Variants in RGL1 observed in about 807,000 individuals in gnomAD.
RGL1 encodes ral guanine nucleotide dissociation stimulator like 1, also known as ral guanine nucleotide dissociation stimulator-like 1.
RGL1 carries 24 observed loss-of-function variants against 95.2 expected under a neutral mutation model. That is an observed-to-expected ratio of 0.25 (90% CI 0.18 to 0.35). The LOEUF is 0.35. Among genes scored for constraint, RGL1 ranks in the 10% least tolerant of loss-of-function variants. RGL1 has a pLI of 1.00. For synonymous variants in RGL1, 329 were observed against 344.9 expected (o/e 0.95, Z 0.51); for missense variants, 715 against 936.3 (o/e 0.76, Z 3.08).
intron 9 of RGL1, among the ~76,000 whole-genome samples, chr1:183,895,377 C>A (rs541823914): frequency 2.0e-5 from 3 of 151,982 alleles, no homozygotes; most frequent in East Asian, 3.9e-4. Context: ...TTAAGCAAGC[C>A]ATTTGCACTA....
chr1:183,733,093 GC>G (rs1656726010), intron 1 of RGL1, among the ~76,000 whole-genome samples: 1 of 152,098 alleles, frequency 6.6e-6, no homozygotes, highest in Non-Finnish European at 1.5e-5. Flanking sequence ...CCCTCACAGA[GC>G]TCTGAGTAAG....
At chr1:183,798,835 T>C (rs867549848) in intron 2 of RGL1, among the ~76,000 whole-genome samples, 4 of 151,904 alleles carry the variant, frequency 2.6e-5, no homozygotes, top group Middle Eastern at 6.8e-3. Context: ...TCACTTAGTA[T>C]GTATTTCAGG....
chr1:183,751,679 G>A (rs954392888), intron 2 of RGL1, among the ~76,000 whole-genome samples: 3 of 152,200 alleles, frequency 2.0e-5, no homozygotes, highest in African/African-American at 4.8e-5. Context: ...CCCTGGTGGT[G>A]TAGGCACCTA....
exon 1 of RGL1, chr1:183,636,115 G>A (rs1201733475): frequency 1.5e-5 from 6 of 399,324 alleles, no homozygotes; most frequent in African/African-American, 1.2e-4. Flanking sequence ...TCTCAGATTG[G>A]CGGGGATGGG....
Position 183,926,156 on chromosome 1 carries a change from T to G in RGL1, c.2171T>G (p.Val724Gly), listed in dbSNP as rs1669602341. ...GTCTTTTATGCCATGAACAGCCAAG[T>G]GAACTTTGACTTCATTTTGCGCAAA... is the stretch of plus-strand genomic sequence containing the variant. ...ANVFYAMNSQ[V>G]NFDFILRKKN... Residue 724 changes from valine to glycine, a missense_variant, in exon 18 of 18, where the codon GTG becomes GGG. Physicochemically the swap from Val to Gly is moderately radical, Grantham distance 109 (BLOSUM62 -3). This residue lies in a region of RGL1 where 330 missense variants were observed against 429.6 expected (regional missense o/e 0.77). Coordinates refer to ENST00000360851, the MANE Select transcript of RGL1 (RefSeq NM_001297671.3). 1 of 1,614,150 alleles carries G rather than the reference T, an allele frequency of 6.2e-7. No individual in the cohort carries two copies.
intron 1 of RGL1, among the ~76,000 whole-genome samples, chr1:183,738,974 T>A (rs1293280661): frequency 2.0e-5 from 3 of 152,200 alleles, no homozygotes; most frequent in African/African-American, 7.2e-5. Context: ...GACAGGTTGG[T>A]AGCAGGACTG....
intron 12 of RGL1, among the ~76,000 whole-genome samples, chr1:183,903,323 G>C (rs191917590): frequency 4.9e-4 from 74 of 152,224 alleles, no homozygotes; most frequent in Admixed American, 1.5e-3. Context: ...AGCATAGGAA[G>C]GTGTGCTCAA....
chr1:183,644,197 T>C (rs1650132867), intron 1 of RGL1, among the ~76,000 whole-genome samples: 1 of 152,182 alleles, frequency 6.6e-6, no homozygotes, highest in South Asian at 2.1e-4. Context: ...GCATAATGAT[T>C]AAGAACATGG....
At chr1:183,785,477 A>G (rs1572409090) in intron 2 of RGL1, among the ~76,000 whole-genome samples, 1 of 152,134 alleles carries the variant, frequency 6.6e-6, no homozygotes, top group African/African-American at 2.4e-5. Context: ...TGCCTGCTCT[A>G]CTATAGCATT....
At chr1:183,898,430 A>G (rs1206601165) in intron 10 of RGL1, among the ~76,000 whole-genome samples, 1 of 152,206 alleles carries the variant, frequency 6.6e-6, no homozygotes, top group Non-Finnish European at 1.5e-5. Context: ...TATTTAAAGG[A>G]GCATCATGCC....
rs1661347658 is a variant in RGL1 at position 183,806,503 on chromosome 1, GA to G, written c.138+19del. On this transcript the variant is annotated intron_variant, in intron 2 of 17. Coordinates refer to ENST00000360851, the MANE Select transcript of RGL1 (RefSeq NM_001297671.3). Reference sequence around the variant, plus strand: ...GGCTAGGGGTGAGTAAAGCTGGCGAGATGGTGAACTTTGGAATTTCAGTGTC... The same window carrying G: ...GGCTAGGGGTGAGTAAAGCTGGCGAGTGGTGAACTTTGGAATTTCAGTGTC... 1 of 1,553,656 alleles carries G rather than the reference GA, an allele frequency of 6.4e-7. No individual in the cohort carries two copies.
At chr1:183,801,398 C>G (rs560382337), upstream of RGL1, among the ~76,000 whole-genome samples, 43 of 151,790 alleles carry the variant, frequency 2.8e-4, no homozygotes, top group African/African-American at 9.9e-4. Context: ...GGGTATTAAC[C>G]CCTTATTAGA....
At chr1:183,647,520 C>CT in intron 1 of RGL1, 5 of 1,213,540 alleles carry the variant, frequency 4.1e-6, no homozygotes, top group Non-Finnish European at 5.5e-6. Flanking sequence ...AATAGTGTAA[C>CT]TTTATAATAG....
chr1:183,786,139 C>A (rs1458440874), intron 2 of RGL1, among the ~76,000 whole-genome samples: 1 of 151,890 alleles, frequency 6.6e-6, no homozygotes, highest in Non-Finnish European at 1.5e-5. Context: ...CAGTGGCTCA[C>A]ACCTGTAATC....
At position 183,888,568 on chromosome 1, in the gene RGL1, C is replaced by T; in HGVS notation, c.1046C>T (p.Ala349Val). ...TATCGGTTAAAAAAGACTTGGGCTGCCGTCCCAAGGTAAGTTCCCAAGTGT... is the reference window on the plus strand; with the variant it reads ...TATCGGTTAAAAAAGACTTGGGCTGTCGTCCCAAGGTAAGTTCCCAAGTGT... Reference protein sequence around the residue: ...SIYRLKKTWAAVPRDRMLMFE... With the variant: ...SIYRLKKTWAVVPRDRMLMFE... The change falls in exon 8 of 18, where the codon GCC (alanine) becomes GTC (valine). Residue 349 changes from alanine (A) to valine (V), a missense_variant. Physicochemically the swap from Ala to Val is moderately conservative, Grantham distance 64. Transcript: ENST00000360851. 2 of 1,607,998 alleles carry T rather than the reference C, an allele frequency of 1.2e-6. No individual in the cohort carries two copies. The highest frequency in any genetic ancestry group is 4.5e-5 in the East Asian group (2 of 44,852).
chr1:183,665,979 T>C (rs1163731150), intron 1 of RGL1, among the ~76,000 whole-genome samples: 2 of 151,712 alleles, frequency 1.3e-5, no homozygotes, highest in African/African-American at 4.8e-5. Context: ...AAAGCCTAGA[T>C]GATTGACTGA....
At chr1:183,708,103 G>C (rs958039163) in intron 1 of RGL1, among the ~76,000 whole-genome samples, 1 of 152,140 alleles carries the variant, frequency 6.6e-6, no homozygotes, top group Non-Finnish European at 1.5e-5. Flanking sequence ...TATGTAATTC[G>C]TACTGTGGCC....
Position 183,848,167 on chromosome 1 carries a change from G to C in RGL1, c.347+393G>C, listed in dbSNP as rs141417726. 7.3e-3 allele frequency among the ~76,000 whole-genome samples: 1,108 copies of C among 152,218 alleles called. 24 individuals carry two copies. The highest frequency in any genetic ancestry group is 0.026 in the African/African-American group (1,068 of 41,518). On this transcript the variant is annotated intron_variant, in intron 3 of 17. Coordinates refer to ENST00000360851, the MANE Select transcript of RGL1 (RefSeq NM_001297671.3). Reference sequence around the variant, plus strand: ...TGTGCTAATATGTGTGAAGTGTGGAGCTCATTCTTAGATCCACAGGAAGCA... The same window carrying C: ...TGTGCTAATATGTGTGAAGTGTGGACCTCATTCTTAGATCCACAGGAAGCA...
At position 183,889,908 on chromosome 1, in the gene RGL1, T is replaced by G. The variant is rs76956722; in HGVS notation, c.1055+1331T>G. On this transcript the variant is annotated intron_variant, in intron 8 of 17. Transcript: ENST00000360851. ...ATTATTCTTTTTTTAGGTTCTTTCT[T>G]CTCTATTTTGAATAATCAAGGTGAT... Among the ~76,000 whole-genome samples, 226 of 152,292 alleles carry G rather than the reference T, an allele frequency of 1.5e-3. 2 individuals carry two copies. Among genetic ancestry groups the G allele is most frequent in the African/African-American group, 3.7e-3 (153 of 41,572 alleles).
Sources: allele counts gnomAD v4.1 joint callset (sites outside exome capture counted in the v4.1 genomes callset), GRCh38; gene constraint gnomAD v4.1.1; regional missense constraint gnomAD v4.1.1; transcripts MANE v1.5; gene names NCBI Gene and HGNC (gene_info 2026-07-23, HGNC 2026-07-21).